ELL: variants seen among roughly 807,000 people sequenced by gnomAD.
The protein encoded by ELL is elongation factor for RNA polymerase II, also known as RNA polymerase II elongation factor ELL.
Under a neutral mutation model 64.0 loss-of-function variants are expected in ELL, and 18 were observed. The observed-to-expected ratio is 0.28, with a 90% CI of 0.19 to 0.42. The LOEUF (loss-of-function observed/expected upper bound fraction) is 0.42. Among genes scored for constraint, ELL ranks in the 10% least tolerant of loss-of-function variants. The pLI is 1.00. For missense variants in ELL, 797 were observed against 870.4 expected (o/e 0.92, Z 1.06); for synonymous variants, 399 against 376.2 (o/e 1.06, Z -0.70).
At chr19:18,446,154 T>C (rs1568373402) in intron 10 of ELL, 155 bp downstream of exon 10, 2 of 918,846 alleles carry the variant, frequency 2.2e-6, no homozygotes, top group East Asian at 2.8e-5. Flanking sequence ...GCCAGAACCA[T>C]GGGGTTGCTG....
At chr19:18,515,400 G>A (rs1976107139) in intron 1 of ELL, among the ~76,000 whole-genome samples, 1 of 152,244 alleles carries the variant, frequency 6.6e-6, no homozygotes, top group African/African-American at 2.4e-5. Context: ...CTTCAGAGGT[G>A]GCAGAGCCCA....
In ELL at chr19:18,444,568, G is replaced by A. The variant is rs765502727; in HGVS notation, c.*184C>T. 8.8e-5 allele frequency: 52 copies of A among 589,494 alleles called. No individual in the cohort carries two copies. Among genetic ancestry groups the A allele is most frequent in the Admixed American group, 2.0e-4 (6 of 30,046 alleles). The allele number at this position is 589,494 out of a possible 1,614,324, so 36.5% of individuals were successfully genotyped here. A position where few individuals can be genotyped will look rare whatever the true frequency, so the allele number is the denominator to read the frequency against. On this transcript the variant is annotated 3_prime_UTR_variant, in exon 12 of 12. Coordinates refer to ENST00000262809, the MANE Select transcript of ELL (RefSeq NM_006532.4). ...CATAAGCAGGGACTGCTCAGGAAGC[G>A]CAGGGAGGGCCGAGGTGGGCTTGCA...
At position 18,445,138 on chromosome 19, in the gene ELL, G is replaced by A. The variant is rs933509755; in HGVS notation, c.1749+86C>T. The A allele has an allele frequency of 4.5e-6, 7 of 1,558,240 alleles. No homozygotes were observed. In the East Asian group the frequency reaches 6.7e-5, roughly 15 times the overall value. On this transcript the variant is annotated intron_variant, in intron 11 of 11. Coordinates refer to ENST00000262809, the MANE Select transcript of ELL (RefSeq NM_006532.4). ...TCTTCCCCCACACCTTGGAAGTAGC[G>A]GGCAGGGAGGCTGCCCCGGGCCCAC...
At position 18,471,164 on chromosome 19, in the gene ELL, G is replaced by C. The variant is rs2144928365; in HGVS notation, c.183+1671C>G. 1.1e-5 allele frequency: 4 copies of C among 370,276 alleles called. No homozygotes were observed. In the East Asian group the frequency reaches 2.2e-4, roughly 20 times the overall value. 22.9% of individuals were successfully genotyped at this position (370,276 alleles called of 1,614,324 possible). On this transcript the variant is annotated intron_variant, in intron 2 of 11. Coordinates refer to ENST00000262809, the MANE Select transcript of ELL (RefSeq NM_006532.4). ...AAGGTGGGAAGATCATTTGAGCCTA[G>C]AAGTTCAAGACCAGCCTGGACAACA...
At chr19:18,473,170 GGGGCGGGGAGT>G in intron 1 of ELL, 1 of 659,160 alleles carries the variant, frequency 1.5e-6, no homozygotes, top group Non-Finnish European at 2.8e-6. Flanking sequence ...CCAGGATGCA[GGGGCGGGGAGT>G]GTGCCATCCT....
intron 5 of ELL, among the ~76,000 whole-genome samples, chr19:18,460,862 C>T (rs1974794973): frequency 6.6e-6 from 1 of 152,318 alleles, no homozygotes; most frequent in Middle Eastern, 3.4e-3. Context: ...CTCAGTTCAC[C>T]TCAAGGCTGC....
At chr19:18,485,858 C>T (rs561760640) in intron 1 of ELL, among the ~76,000 whole-genome samples, 4 of 152,122 alleles carry the variant, frequency 2.6e-5, no homozygotes, top group South Asian at 2.1e-4. Context: ...TGGTAGCACA[C>T]GCCTATAGTC....
At chr19:18,473,025 T>C in intron 1 of ELL, 143 bp from the exon 2 acceptor site, 1 of 1,033,326 alleles carries the variant, frequency 9.7e-7, no homozygotes, top group Non-Finnish European at 1.4e-6. Context: ...GCACACACTC[T>C]GAAAATTATA....
intron 1 of ELL, among the ~76,000 whole-genome samples, chr19:18,496,527 CTT>C (rs35231179): frequency 5.6e-4 from 84 of 148,824 alleles, no homozygotes; most frequent in African/African-American, 8.6e-4. Context: ...CAGGTAACAA[CTT>C]TTTTTTTTTT....
chr19:18,461,000 C>T (rs1037492421), intron 5 of ELL, among the ~76,000 whole-genome samples: 1 of 152,120 alleles, frequency 6.6e-6, no homozygotes, highest in African/African-American at 2.4e-5. Flanking sequence ...TCAGGGCCAT[C>T]GCACCTGCTC....
At chr19:18,461,920 C>A in intron 4 of ELL, 68 bp from the exon 5 acceptor site, 7 of 1,550,364 alleles carry the variant, frequency 4.5e-6, no homozygotes, top group Non-Finnish European at 6.1e-6. Context: ...GTGCTGCTGA[C>A]CAGGTGCCCA....
At chr19:18,481,348 G>T (rs1039580208) in intron 1 of ELL, among the ~76,000 whole-genome samples, 63 of 152,228 alleles carry the variant, frequency 4.1e-4, no homozygotes, top group African/African-American at 1.4e-3. Context: ...GTGTTAGCAG[G>T]CTCCCTCCTT....
chr19:18,466,308 C>T (rs973850488), intron 2 of ELL, among the ~76,000 whole-genome samples: 1 of 152,196 alleles, frequency 6.6e-6, no homozygotes, highest in African/African-American at 2.4e-5. Flanking sequence ...ACCTGGCCTG[C>T]GACACCCTAT....
intron 6 of ELL, among the ~76,000 whole-genome samples, chr19:18,457,435 C>G (rs1974704859): frequency 6.6e-6 from 1 of 152,230 alleles, no homozygotes; most frequent in African/African-American, 2.4e-5. Context: ...CCTGCACACC[C>G]AGGGTGGACA....
intron 7 of ELL, 125 bp downstream of exon 7, chr19:18,451,417 GGGCGGAGGGA>G (rs1213348884): frequency 4.8e-6 from 4 of 830,366 alleles, no homozygotes; most frequent in Non-Finnish European, 6.9e-6. Context: ...CTTGGTCCCT[GGGCGGAGGGA>G]GGCGGCTCAA....
intron 6 of ELL, among the ~76,000 whole-genome samples, chr19:18,457,628 T>G (rs1974709277): frequency 6.6e-6 from 1 of 152,120 alleles, no homozygotes; most frequent in African/African-American, 2.4e-5. Context: ...CAGCCCGAGC[T>G]CCCCTAGCTG....
intron 1 of ELL, among the ~76,000 whole-genome samples, chr19:18,509,598 TACACAC>T (rs1183127480): frequency 0.082 from 6,680 of 81,642 alleles, 294 homozygotes; most frequent in Middle Eastern, 0.12. Context: ...CGCGCGCACA[TACACAC>T]ACACACACAC....
intron 1 of ELL, among the ~76,000 whole-genome samples, chr19:18,521,497 C>T (rs1003754701): frequency 1.6e-4 from 24 of 152,276 alleles, no homozygotes; most frequent in Non-Finnish European, 3.2e-4. Context: ...AACGGCGCTG[C>T]CCCGGCCCCA....
At chr19:18,477,213 A>G (rs538409506) in intron 1 of ELL, among the ~76,000 whole-genome samples, 2 of 152,288 alleles carry the variant, frequency 1.3e-5, no homozygotes, top group South Asian at 4.1e-4. Flanking sequence ...GGAGGATCGG[A>G]ATGAAACGGC....
Sources: allele counts gnomAD v4.1 joint callset (sites outside exome capture counted in the v4.1 genomes callset), GRCh38; gene constraint gnomAD v4.1.1; transcripts MANE v1.5; gene names NCBI Gene and HGNC (gene_info 2026-07-23, HGNC 2026-07-21).